The following TBC1D4 variants were observed in gnomAD, a reference collection of about 807,000 sequenced individuals.
TBC1D4 encodes the protein TBC (Tre-2, BUB2, CDC16) domain-containing protein.
A neutral mutation model predicts 142.5 loss-of-function variants in TBC1D4; 121 were observed. That is an observed-to-expected ratio of 0.85 (90% confidence interval 0.73 to 0.99). The LOEUF is 0.99. Ranked by LOEUF, TBC1D4 falls within the 50% of genes least tolerant of loss-of-function variation. The pLI, the probability that TBC1D4 is intolerant of heterozygous loss-of-function variation, is 0.00. For synonymous variants in TBC1D4, 630 were observed against 628.2 expected (o/e 1.00, Z -0.04); for missense variants, 1,475 against 1,606.6 (o/e 0.92, Z 1.40).
At chr13:75,319,977 A>AT (rs1218659518) in intron 12 of TBC1D4, 37 bp downstream of exon 12, 9 of 1,605,594 alleles carry the variant, frequency 5.6e-6, no homozygotes, top group African/African-American at 4.0e-5. Flanking sequence ...GAATCTGTGA[A>AT]TTTTTTTTAA....
At position 75,481,883 on chromosome 13, in the gene TBC1D4, C is replaced by T. The variant is rs1314164127; in HGVS notation, c.-116G>A. On this transcript the variant is annotated 5_prime_UTR_variant, in exon 1 of 21. Coordinates refer to ENST00000377636, the MANE Select transcript of TBC1D4 (RefSeq NM_014832.5). The stretch of plus-strand genomic sequence containing the variant: ...CTGCCGCACCGGGCTCCCGCGCCTG[C>T]CTGGGAGCGGCGCGACCCCGAACTC... 7.4e-7 allele frequency: 1 copy of T among 1,349,470 alleles called. No homozygotes were observed. Among genetic ancestry groups the T allele is most frequent in the Non-Finnish European group, 9.5e-7 (1 of 1,052,002 alleles). The allele number at this position is 1,349,470 out of a possible 1,614,324, so 83.6% of individuals were successfully genotyped here.
Position 75,421,113 on chromosome 13 carries a change from C to G in TBC1D4, c.499-58506G>C, listed in dbSNP as rs186937709. Among the ~76,000 whole-genome samples the G allele has an allele frequency of 1.4e-4, 21 of 152,270 alleles. No individual in the cohort carries two copies. The East Asian group carries it at 2.3e-3, about 17-fold the overall frequency. On this transcript the variant is annotated intron_variant, in intron 1 of 20. Coordinates refer to ENST00000377636, the MANE Select transcript of TBC1D4 (RefSeq NM_014832.5). ...ACTAATAAAATCTACATTTGCTTTC[C>G]TAGTTTCTTTTGGAGAAATGATAAA...
chr13:75,388,815 C>A (rs1884319292), intron 1 of TBC1D4, among the ~76,000 whole-genome samples: 1 of 152,170 alleles, frequency 6.6e-6, no homozygotes, highest in African/African-American at 2.4e-5. Flanking sequence ...TAAAGTATGA[C>A]AACACTGACC....
intron 14 of TBC1D4, 113 bp from the exon 15 acceptor site, chr13:75,306,584 G>C (rs1877211483): frequency 7.9e-7 from 1 of 1,270,362 alleles, no homozygotes. Context: ...TCAACTGGTA[G>C]TGTATCTCAA....
At chr13:75,429,353 A>T (rs972579077) in intron 1 of TBC1D4, among the ~76,000 whole-genome samples, 6 of 152,228 alleles carry the variant, frequency 3.9e-5, no homozygotes, top group African/African-American at 1.2e-4. Flanking sequence ...AGAAAAGTCC[A>T]TCTAGTTTCA....
At chr13:75,356,277 A>T (rs751309506) in intron 3 of TBC1D4, 26 bp from the exon 4 acceptor site, 7 of 1,461,504 alleles carry the variant, frequency 4.8e-6, no homozygotes, top group Non-Finnish European at 5.8e-6. Flanking sequence ...GAAGTGCAAT[A>T]AAAATGTATG....
chr13:75,347,530 T>C (rs1309740555), intron 5 of TBC1D4, among the ~76,000 whole-genome samples: 1 of 152,202 alleles, frequency 6.6e-6, no homozygotes, highest in Non-Finnish European at 1.5e-5. Context: ...TTAATAAATC[T>C]CTCTTCAAGA....
intron 1 of TBC1D4, among the ~76,000 whole-genome samples, chr13:75,369,701 A>G (rs1883123319): frequency 6.6e-6 from 1 of 152,200 alleles, no homozygotes; most frequent in African/African-American, 2.4e-5. Context: ...TGGAAATCAC[A>G]ATGTTTATCT....
intron 1 of TBC1D4, among the ~76,000 whole-genome samples, chr13:75,449,532 AACACACACACACACACAC>A (rs34025489): frequency 2.0e-5 from 3 of 149,180 alleles, no homozygotes; most frequent in Non-Finnish European, 4.5e-5. Context: ...GTGAAACTGC[AACACACACACACACACAC>A]ACACAGACGC....
chr13:75,437,659 GT>G (rs1886857269), intron 1 of TBC1D4, among the ~76,000 whole-genome samples: 1 of 151,598 alleles, frequency 6.6e-6, no homozygotes, highest in South Asian at 2.1e-4. Context: ...CCGATATACA[GT>G]TTTTCAGATT....
At chr13:75,340,717 C>T (rs1880612812) in intron 7 of TBC1D4, among the ~76,000 whole-genome samples, 2 of 151,952 alleles carry the variant, frequency 1.3e-5, no homozygotes, top group East Asian at 1.9e-4. Flanking sequence ...GAGGCCGAGG[C>T]GGGGGGATCA....
At chr13:75,399,029 G>A (rs1477700314) in intron 1 of TBC1D4, among the ~76,000 whole-genome samples, 3 of 152,148 alleles carry the variant, frequency 2.0e-5, no homozygotes, top group Non-Finnish European at 2.9e-5. Flanking sequence ...AAAATTTGGG[G>A]GTACTACACT....
Position 75,362,099 on chromosome 13 carries a change from C to T in TBC1D4, c.1007G>A (p.Arg336Gln). 1 of 1,614,074 alleles carries T rather than the reference C, an allele frequency of 6.2e-7. No individual in the cohort carries two copies. Among genetic ancestry groups the T allele is most frequent in the Non-Finnish European group, 8.5e-7 (1 of 1,180,026 alleles). Residue 336 changes from arginine (R) to glutamine (Q), a missense_variant, in exon 2 of 21, where the codon CGA becomes CAA. Physicochemically the swap from Arg to Gln is conservative, Grantham distance 43 (BLOSUM62 1). Transcript: ENST00000377636. This position sits in a 1 kb window ranked among gnomAD's most constrained non-coding sequence, Gnocchi z 4.2. ...ACTGGGTGCGCTCGCGTGTCTCCGT[C>T]GCGGCTGGGATTTCTGGCTGCCCTC... The part of the protein sequence containing the change: ...VHEGSQKSQP[R>Q]RRHASAPSHV...
chr13:75,302,517 C>G (rs1593885468), intron 15 of TBC1D4, 116 bp from the exon 16 acceptor site: 1 of 1,114,300 alleles, frequency 9.0e-7, no homozygotes, highest in East Asian at 2.5e-5. Flanking sequence ...TGCATGCCAC[C>G]CTAAGACCAC....
rs752112147 is a variant in TBC1D4 at position 75,336,959 on chromosome 13, T to G, written c.1693A>C (p.Arg565=). 1.2e-6 allele frequency: 2 copies of G among 1,613,574 alleles called. No individual in the cohort carries two copies. The highest frequency in any genetic ancestry group is 1.3e-5 in the African/African-American group (1 of 74,924). The change falls in exon 8 of 21, where the codon AGA becomes CGA. Residue 565 remains arginine, a synonymous_variant. Coordinates refer to ENST00000377636, the MANE Select transcript of TBC1D4 (RefSeq NM_014832.5). ...TTTTCCAGGGAGCTAGTTAAGGATC[T>G]CTTAGCTTTATTTTTCAGAATGTCA... is the stretch of plus-strand genomic sequence containing the variant. ...KLDILKNKAK[R]SLTSSLENIF...
chr13:75,393,229 CAA>C (rs1173756729), intron 1 of TBC1D4, among the ~76,000 whole-genome samples: 1 of 151,512 alleles, frequency 6.6e-6, no homozygotes, highest in Non-Finnish European at 1.5e-5. Context: ...ACTCTTTAAA[CAA>C]GAGGTAGATA....
chr13:75,324,718 G>C (rs924642096), intron 10 of TBC1D4, among the ~76,000 whole-genome samples: 3 of 152,146 alleles, frequency 2.0e-5, no homozygotes, highest in African/African-American at 7.2e-5. Context: ...CACTTCAAGG[G>C]AAAAAAGCAG....
At chr13:75,441,592 A>AT (rs763663234) in intron 1 of TBC1D4, among the ~76,000 whole-genome samples, 11 of 152,182 alleles carry the variant, frequency 7.2e-5, no homozygotes, top group Non-Finnish European at 1.5e-4. Context: ...TAAAAATATG[A>AT]TTTTTTATCT....
intron 4 of TBC1D4, among the ~76,000 whole-genome samples, chr13:75,350,247 T>TG (rs1355112108): frequency 6.6e-6 from 1 of 152,220 alleles, no homozygotes. Context: ...TTACCATGCT[T>TG]GGTAAGCACA....
Sources: allele counts gnomAD v4.1 joint callset (sites outside exome capture counted in the v4.1 genomes callset), GRCh38; gene constraint gnomAD v4.1.1; non-coding constraint Gnocchi (gnomAD v3.1); transcripts MANE v1.5; gene names NCBI Gene and HGNC (gene_info 2026-07-23, HGNC 2026-07-21).